The following HADHB variants were observed in gnomAD, a reference collection of about 807,000 sequenced individuals.
HADHB encodes the protein trifunctional enzyme subunit beta, mitochondrial.
In HADHB, 50 loss-of-function variants were observed where a neutral mutation model predicts 61.9. The ratio of observed to expected loss-of-function variants is 0.81; its 90% CI spans 0.64 to 1.02. HADHB has a LOEUF of 1.02. Among genes scored for constraint, HADHB ranks in the 50% least tolerant of loss-of-function variants. The pLI is 0.00. For synonymous variants in HADHB, 191 were observed against 201.6 expected, an observed-to-expected ratio of 0.95 and a Z score of 0.45; for missense variants, 504 against 586.5, an observed-to-expected ratio of 0.86 and a Z score of 1.45.
chr2:26,285,348 T>G, intron 14 of HADHB, 59 bp from the exon 15 acceptor site: 1 of 1,450,724 alleles, frequency 6.9e-7, no homozygotes, highest in Non-Finnish European at 9.7e-7. Context: ...ACTAAGAGCC[T>G]AGCTTGATTC....
chr2:26,276,912 T>C (rs1672550478), intron 6 of HADHB, among the ~76,000 whole-genome samples, 161 bp from the exon 7 acceptor site: 1 of 152,230 alleles, frequency 6.6e-6, no homozygotes, highest in African/African-American at 2.4e-5. Context: ...TAAATATTAG[T>C]GAACCATTTC....
intron 7 of HADHB, among the ~76,000 whole-genome samples, chr2:26,277,416 TG>T (rs923959442): frequency 2.6e-5 from 4 of 151,864 alleles, no homozygotes; most frequent in African/African-American, 7.3e-5. Flanking sequence ...TTAAATTTTT[TG>T]TGGAGACGGG....
Position 26,263,483 on chromosome 2 carries a change from A to G in HADHB, c.209+4A>G. On this transcript the variant is annotated splice_donor_region_variant and intron_variant, in intron 4 of 15. Transcript: ENST00000317799. ...CATTTTTGCTGTCTGGCACTTCGTA[A>G]GTATGACATGATCATATTATTTTTT... 1 of 1,525,942 alleles carries G rather than the reference A, an allele frequency of 6.6e-7. No individual in the cohort carries two copies. The highest frequency in any genetic ancestry group is 9.1e-7 in the Non-Finnish European group (1 of 1,099,540). The allele number at this position is 1,525,942 out of a possible 1,614,324, so 94.5% of individuals were successfully genotyped here. A position where few individuals can be genotyped will look rare whatever the true frequency, so the allele number is the denominator to read the frequency against.
intron 1 of HADHB, among the ~76,000 whole-genome samples, chr2:26,249,328 C>T (rs146933916): frequency 0.023 from 3,538 of 151,916 alleles, 128 homozygotes; most frequent in African/African-American, 0.079. Flanking sequence ...CTGATCAACA[C>T]GGTGAAATCC....
chr2:26,248,785 A>C (rs1316494160), intron 1 of HADHB, among the ~76,000 whole-genome samples: 1 of 152,222 alleles, frequency 6.6e-6, no homozygotes, highest in Non-Finnish European at 1.5e-5. Flanking sequence ...GGCTGGGCGC[A>C]GTGGCTCATG....
At chr2:26,267,235 A>C (rs1672123896) in intron 4 of HADHB, among the ~76,000 whole-genome samples, 1 of 152,154 alleles carries the variant, frequency 6.6e-6, no homozygotes, top group Non-Finnish European at 1.5e-5. Flanking sequence ...AGCAGTCTTC[A>C]ATACAAAGAA....
intron 7 of HADHB, among the ~76,000 whole-genome samples, chr2:26,277,632 C>T (rs1418641324): frequency 2.0e-5 from 3 of 152,080 alleles, no homozygotes; most frequent in East Asian, 1.9e-4. Flanking sequence ...GGGTTCTAAC[C>T]GTAGTTAACC....
intron 3 of HADHB, among the ~76,000 whole-genome samples, chr2:26,257,294 G>C (rs1252576994): frequency 2.6e-5 from 4 of 151,676 alleles, no homozygotes; most frequent in Non-Finnish European, 5.9e-5. Flanking sequence ...CTAATTTTTT[G>C]TACTTTTAGT....
intron 10 of HADHB, 147 bp from the exon 11 acceptor site, chr2:26,282,698 A>G: frequency 1.4e-6 from 1 of 700,444 alleles, no homozygotes; most frequent in Non-Finnish European, 2.6e-6. Flanking sequence ...TGATTTAATG[A>G]TGGATACAGT....
intron 9 of HADHB, among the ~76,000 whole-genome samples, chr2:26,279,732 G>A (rs1672706402): frequency 6.6e-6 from 1 of 151,978 alleles, no homozygotes; most frequent in Non-Finnish European, 1.5e-5. Context: ...TCTGACTTCT[G>A]TATAGAATAG....
chr2:26,264,208 A>G (rs1012371589), intron 4 of HADHB, among the ~76,000 whole-genome samples: 7 of 152,132 alleles, frequency 4.6e-5, no homozygotes, highest in Non-Finnish European at 1.0e-4. Context: ...CTATCTTTAT[A>G]TACTAATATG....
At chr2:26,262,316 T>C (rs530374295) in intron 3 of HADHB, among the ~76,000 whole-genome samples, 2 of 152,332 alleles carry the variant, frequency 1.3e-5, no homozygotes, top group African/African-American at 4.8e-5. Flanking sequence ...GATTTTGATA[T>C]ACTAACATGG....
intron 1 of HADHB, among the ~76,000 whole-genome samples, chr2:26,248,701 A>T (rs1360524468): frequency 6.6e-6 from 1 of 152,176 alleles, no homozygotes; most frequent in East Asian, 1.9e-4. Flanking sequence ...CCATATTTTC[A>T]ATGTTTGCCA....
chr2:26,250,762 A>G (rs546568466), intron 1 of HADHB, among the ~76,000 whole-genome samples: 2 of 151,774 alleles, frequency 1.3e-5, no homozygotes, highest in South Asian at 4.2e-4. Context: ...TCCAGATTGC[A>G]GTGACCTATG....
At chr2:26,262,921 TA>T (rs1032388621) in intron 3 of HADHB, among the ~76,000 whole-genome samples, 3 of 151,674 alleles carry the variant, frequency 2.0e-5, no homozygotes, top group African/African-American at 4.8e-5. Flanking sequence ...AGCCTTTTTT[TA>T]AAAAAAAATT....
chr2:26,267,968 C>T (rs1183029571), intron 4 of HADHB, among the ~76,000 whole-genome samples: 1 of 151,880 alleles, frequency 6.6e-6, no homozygotes, highest in Non-Finnish European at 1.5e-5. Flanking sequence ...GAGACTCCAT[C>T]TCTGCAAAAA....
chr2:26,264,512 T>C (rs1671987814), intron 4 of HADHB, among the ~76,000 whole-genome samples: 1 of 127,922 alleles, frequency 7.8e-6, no homozygotes, highest in African/African-American at 3.1e-5. Flanking sequence ...ATCATGCTAC[T>C]ACCTATACTC....
At chr2:26,285,727 T>C (rs568371197) in intron 15 of HADHB, among the ~76,000 whole-genome samples, 156 bp downstream of exon 15, 27 of 142,830 alleles carry the variant, frequency 1.9e-4, no homozygotes, top group African/African-American at 6.6e-4. Flanking sequence ...GATAAAACTT[T>C]TTGTTTTTTG....
At chr2:26,271,341 C>G (rs1672340151) in intron 5 of HADHB, among the ~76,000 whole-genome samples, 1 of 151,824 alleles carries the variant, frequency 6.6e-6, no homozygotes, top group Admixed American at 6.6e-5. Context: ...AACCCCATCT[C>G]TACTAAAAAT....
Sources: allele counts gnomAD v4.1 joint callset (sites outside exome capture counted in the v4.1 genomes callset), GRCh38; gene constraint gnomAD v4.1.1; transcripts MANE v1.5; gene names NCBI Gene and HGNC (gene_info 2026-07-23, HGNC 2026-07-21).